Variants in STK24 observed in about 807,000 individuals in gnomAD.
STK24 encodes serine/threonine-protein kinase 24.
STK24 carries 21 observed loss-of-function variants against 55.6 expected under a neutral mutation model. The observed-to-expected ratio is 0.38, with a 90% CI of 0.27 to 0.54. STK24 has a LOEUF of 0.54. Ranked by LOEUF, STK24 falls within the 20% of genes least tolerant of loss-of-function variation. The probability of loss-of-function intolerance (pLI) is 0.79; values close to 1 mark genes in which losing one functional copy is unlikely to be tolerated. For missense variants in STK24, 383 were observed against 538.4 expected, an observed-to-expected ratio of 0.71 and a Z score of 2.86; for synonymous variants, 200 against 215.2, an observed-to-expected ratio of 0.93 and a Z score of 0.62.
intron 2 of STK24, among the ~76,000 whole-genome samples, chr13:98,484,686 G>A (rs569247904): frequency 4.9e-4 from 75 of 152,244 alleles, no homozygotes; most frequent in Middle Eastern, 3.4e-3. Flanking sequence ...AGTTTCACCT[G>A]GCTACCTTCT....
intron 1 of STK24, among the ~76,000 whole-genome samples, chr13:98,532,110 G>C (rs531551121): frequency 2.6e-5 from 4 of 152,200 alleles, no homozygotes; most frequent in African/African-American, 9.6e-5. Flanking sequence ...ACGCGGCCAA[G>C]GTTGAGGACC....
chr13:98,563,597 G>A (rs1897488100), intron 1 of STK24, among the ~76,000 whole-genome samples: 1 of 152,110 alleles, frequency 6.6e-6, no homozygotes, highest in Non-Finnish European at 1.5e-5. Flanking sequence ...GGTGGCTCAC[G>A]CCTGTAATCC....
At chr13:98,535,989 G>A (rs1368716730) in intron 1 of STK24, among the ~76,000 whole-genome samples, 1 of 152,190 alleles carries the variant, frequency 6.6e-6, no homozygotes, top group Non-Finnish European at 1.5e-5. Context: ...AGACCAAATC[G>A]TTTTGGTGTA....
chr13:98,504,504 C>A (rs1466130855), intron 2 of STK24, among the ~76,000 whole-genome samples: 1 of 152,238 alleles, frequency 6.6e-6, no homozygotes, highest in Non-Finnish European at 1.5e-5. Context: ...TGGTTAACAG[C>A]AATCCCGCTG....
intron 6 of STK24, among the ~76,000 whole-genome samples, chr13:98,464,214 G>A (rs367647589): frequency 8.5e-5 from 13 of 152,094 alleles, no homozygotes; most frequent in African/African-American, 2.6e-4. Flanking sequence ...TCAGGAGATC[G>A]AGACCACCCT....
chr13:98,513,472 A>T (rs1400472699), intron 2 of STK24, among the ~76,000 whole-genome samples: 1 of 152,114 alleles, frequency 6.6e-6, no homozygotes, highest in Non-Finnish European at 1.5e-5. Flanking sequence ...CAGCCGAAAC[A>T]TCTGCAGACA....
intron 3 of STK24, among the ~76,000 whole-genome samples, chr13:98,481,634 G>A (rs1485658497): frequency 6.6e-6 from 1 of 152,176 alleles, no homozygotes; most frequent in Non-Finnish European, 1.5e-5. Context: ...AATAGAACCT[G>A]TTTCAGAAAA....
At chr13:98,460,504 TA>T in intron 8 of STK24, 64 bp from the exon 9 acceptor site, 1 of 1,341,718 alleles carries the variant, frequency 7.5e-7, no homozygotes. Flanking sequence ...AATAATTTAA[TA>T]AACCTCCCAC....
chr13:98,460,313 G>A, intron 9 of STK24, 59 bp downstream of exon 9: 2 of 1,461,768 alleles, frequency 1.4e-6, no homozygotes, highest in Non-Finnish European at 1.9e-6. Flanking sequence ...CCACTGAAGT[G>A]TGTCCAGCTT....
intron 1 of STK24, among the ~76,000 whole-genome samples, chr13:98,524,501 G>A (rs1183224881): frequency 2.0e-5 from 3 of 152,166 alleles, no homozygotes; most frequent in South Asian, 2.1e-4. Flanking sequence ...AGCCTTCCTC[G>A]CTGCCTCTGC....
chr13:98,447,508 G>A lies in STK24; in HGVS notation c.*5665C>T. 6.6e-6 allele frequency: 1 copy of A among 152,486 alleles called. No individual in the cohort carries two copies. Among genetic ancestry groups the A allele is most frequent in the Non-Finnish European group, 1.5e-5 (1 of 68,180 alleles). The allele number at this position is 152,486 out of a possible 1,614,324, so 9.4% of individuals were successfully genotyped here. The stretch of plus-strand genomic sequence containing the variant: ...CAGATCCTGAAAGGCCTGGGACAAG[G>A]CCAGGTAATTTGGGGAGTCCGTCCT... On this transcript the variant is annotated 3_prime_UTR_variant, in exon 11 of 11. Coordinates refer to ENST00000539966, the MANE Select transcript of STK24 (RefSeq NM_001032296.4).
At chr13:98,459,432 C>T (rs997968044) in intron 9 of STK24, among the ~76,000 whole-genome samples, 6 of 152,244 alleles carry the variant, frequency 3.9e-5, no homozygotes, top group Admixed American at 3.9e-4. Context: ...AGGTCAGAGG[C>T]CCTCAGACAA....
chr13:98,452,118 C>T lies in STK24; in HGVS notation c.*1055G>A, dbSNP rs527352793. On this transcript the variant is annotated 3_prime_UTR_variant, in exon 11 of 11. Transcript: ENST00000539966. ...CACGGCCACACATACACAGCAGGTG[C>T]CCTGTCCTCTGAAGAGTCACATTTC... 4.6e-5 allele frequency: 7 copies of T among 152,304 alleles called. No individual in the cohort carries two copies. The highest frequency in any genetic ancestry group is 1.7e-4 in the African/African-American group (7 of 41,564). 9.4% of individuals were successfully genotyped at this position (152,304 alleles called of 1,614,324 possible).
chr13:98,509,848 C>T (rs531244509), intron 2 of STK24, among the ~76,000 whole-genome samples: 1 of 136,116 alleles, frequency 7.3e-6, no homozygotes, highest in South Asian at 2.3e-4. Flanking sequence ...CTCTCTCTGT[C>T]GCTCTCTCTC....
chr13:98,474,991 G>A lies in STK24; in HGVS notation c.440-13C>T. 6.2e-7 allele frequency: 1 copy of A among 1,604,306 alleles called. No homozygotes were observed. Reference sequence around the variant, plus strand: ...AGGACGTTGGCCGCTGCAAAAGAAAGCCAAGGCGGCCCTGGGCGGTGCGGA... The same window carrying A: ...AGGACGTTGGCCGCTGCAAAAGAAAACCAAGGCGGCCCTGGGCGGTGCGGA... On this transcript the variant is annotated splice_polypyrimidine_tract_variant and intron_variant, in intron 4 of 10. Transcript: ENST00000539966.
At chr13:98,505,734 A>G (rs950828687) in intron 2 of STK24, among the ~76,000 whole-genome samples, 8 of 152,250 alleles carry the variant, frequency 5.3e-5, no homozygotes, top group Admixed American at 1.3e-4. Context: ...ATGTCAAAAC[A>G]TCAACACTTT....
intron 5 of STK24, among the ~76,000 whole-genome samples, chr13:98,467,323 C>T (rs533558455): frequency 6.6e-6 from 1 of 152,086 alleles, no homozygotes; most frequent in Non-Finnish European, 1.5e-5. Context: ...TTCCGTGTGC[C>T]AATATACAGA....
In STK24 at chr13:98,475,370, A is replaced by T; in HGVS notation, c.331-12T>A. On this transcript the variant is annotated splice_polypyrimidine_tract_variant and intron_variant, in intron 3 of 10. Transcript: ENST00000539966. ...GGGCCAGGTTCTAACTAAGAAGAGA[A>T]AAAAATTCTTAAAGTTACTTAAATG... The T allele has an allele frequency of 6.4e-7, 1 of 1,563,532 alleles. No homozygotes were observed. Among genetic ancestry groups the T allele is most frequent in the Non-Finnish European group, 8.7e-7 (1 of 1,150,990 alleles).
intron 1 of STK24, among the ~76,000 whole-genome samples, chr13:98,563,006 T>C (rs1305879117): frequency 1.3e-5 from 2 of 151,688 alleles, no homozygotes; most frequent in Non-Finnish European, 2.9e-5. Context: ...GAAACGTCTG[T>C]ATATTTGGGG....
Sources: allele counts gnomAD v4.1 joint callset (sites outside exome capture counted in the v4.1 genomes callset), GRCh38; gene constraint gnomAD v4.1.1; transcripts MANE v1.5; gene names NCBI Gene and HGNC (gene_info 2026-07-23, HGNC 2026-07-21).